Variants in HEATR5B observed in about 807,000 individuals in gnomAD.
HEATR5B encodes HEAT repeat containing 5B, also known as HEAT repeat-containing protein 5B.
Under a neutral mutation model 224.1 loss-of-function variants are expected in HEATR5B, and 156 were observed. The observed-to-expected ratio is 0.70, with a 90% CI of 0.61 to 0.80. The LOEUF is 0.80. Ranked by LOEUF, HEATR5B falls within the 30% of genes least tolerant of loss-of-function variation. The pLI, the probability that HEATR5B is intolerant of heterozygous loss-of-function variation, is 0.00. For missense variants in HEATR5B, 2,323 were observed against 2,535.5 expected (o/e 0.92, Z 1.80); for synonymous variants, 1,027 against 893.0 (o/e 1.15, Z -2.68).
At chr2:37,019,746 A>G in intron 26 of HEATR5B, 63 bp downstream of exon 26, 3 of 1,194,082 alleles carry the variant, frequency 2.5e-6, no homozygotes, top group Non-Finnish European at 3.6e-6. Flanking sequence ...TACACAAGTT[A>G]AATTCTAAGA....
At chr2:37,080,755 A>T (rs1296416726) in intron 2 of HEATR5B, among the ~76,000 whole-genome samples, 1 of 152,058 alleles carries the variant, frequency 6.6e-6, no homozygotes, top group Non-Finnish European at 1.5e-5. Flanking sequence ...AGATGATATC[A>T]CTGAAGGAAT....
chr2:37,077,449 C>T lies in HEATR5B; in HGVS notation c.339-430G>A, dbSNP rs144539977. 9.6e-3 allele frequency among the ~76,000 whole-genome samples: 1,459 copies of T among 152,286 alleles called. 24 individuals are homozygous for T. Among genetic ancestry groups the T allele is most frequent in the African/African-American group, 0.033 (1,369 of 41,542 alleles). On this transcript the variant is annotated intron_variant, in intron 3 of 35. Coordinates refer to ENST00000233099, the MANE Select transcript of HEATR5B (RefSeq NM_019024.3). ...TCAGCTTCCTGAGTAGCTGGGATTA[C>T]AGGTGCATGCCACCATTCCCAGCTC... is the stretch of plus-strand genomic sequence containing the variant.
intron 2 of HEATR5B, among the ~76,000 whole-genome samples, chr2:37,082,741 T>A (rs1033944044): frequency 6.6e-6 from 1 of 152,206 alleles, no homozygotes; most frequent in African/African-American, 2.4e-5. Flanking sequence ...TTGCTGTTAA[T>A]AGACACTTGA....
intron 24 of HEATR5B, among the ~76,000 whole-genome samples, chr2:37,021,696 T>G (rs2148441494): frequency 6.6e-6 from 1 of 152,138 alleles, no homozygotes; most frequent in Non-Finnish European, 1.5e-5. Flanking sequence ...GAGACCAGTC[T>G]GGGAAACATG....
intron 18 of HEATR5B, among the ~76,000 whole-genome samples, chr2:37,045,711 C>T (rs1018119900): frequency 1.6e-4 from 25 of 152,204 alleles, no homozygotes; most frequent in African/African-American, 5.8e-4. Context: ...CCACCCTACA[C>T]ATTCTAGCTA....
chr2:37,045,061 T>A (rs1021179789), intron 18 of HEATR5B, among the ~76,000 whole-genome samples: 1 of 152,216 alleles, frequency 6.6e-6, no homozygotes, highest in Non-Finnish European at 1.5e-5. Flanking sequence ...CATTTCTAGG[T>A]TTCCTTTGGG....
chr2:36,991,695 T>C (rs1215249416), intron 33 of HEATR5B, among the ~76,000 whole-genome samples: 1 of 152,160 alleles, frequency 6.6e-6, no homozygotes, highest in Non-Finnish European at 1.5e-5. Context: ...GTTCCAAACA[T>C]TTTGTGATTA....
chr2:37,004,036 T>C (rs1412142894), intron 30 of HEATR5B, among the ~76,000 whole-genome samples: 1 of 152,196 alleles, frequency 6.6e-6, no homozygotes, highest in Non-Finnish European at 1.5e-5. Context: ...TCCAAGAATT[T>C]CTACAACCTC....
intron 21 of HEATR5B, among the ~76,000 whole-genome samples, chr2:37,035,302 C>T (rs1669407032): frequency 6.6e-6 from 1 of 151,982 alleles, no homozygotes; most frequent in African/African-American, 2.4e-5. Context: ...ATCTTTAATC[C>T]CTATATTTAT....
rs753408122 is a variant in HEATR5B at position 37,064,813 on chromosome 2, T to A, written c.1511A>T (p.Tyr504Phe). ...LKTSPEAVSG[Y>F]SFAMAALLGG... is the part of the protein sequence containing the mutation. ...TAACAAAGCAGCCATTGCAAAACTA[T>A]ATCCACTGACAGCTTCTGGTGAGGT... Residue 504 changes from tyrosine to phenylalanine, a missense_variant, in exon 10 of 36, where the codon TAT becomes TTT. Transcript: ENST00000233099. The A allele has an allele frequency of 6.2e-7, 1 of 1,614,026 alleles. No individual in the cohort carries two copies. Among genetic ancestry groups the A allele is most frequent in the Non-Finnish European group, 8.5e-7 (1 of 1,179,984 alleles).
At chr2:37,008,364 T>C in intron 28 of HEATR5B, 1 of 541,354 alleles carries the variant, frequency 1.8e-6, no homozygotes, top group South Asian at 2.1e-5. Flanking sequence ...TAGAATACCC[T>C]AGCTCATACA....
At position 37,008,695 on chromosome 2, in the gene HEATR5B, G is replaced by C; in HGVS notation, c.4438C>G (p.Leu1480Val). 6.2e-7 allele frequency: 1 copy of C among 1,614,148 alleles called. No homozygotes were observed. Among genetic ancestry groups the C allele is most frequent in the Non-Finnish European group, 8.5e-7 (1 of 1,180,012 alleles). Residue 1480 changes from leucine to valine, a missense_variant, in exon 28 of 36, where the codon CTC (leucine) becomes GTC (valine). Leu to Val is a conservative substitution (Grantham distance 32). Coordinates refer to ENST00000233099, the MANE Select transcript of HEATR5B (RefSeq NM_019024.3). ...ITLVQPELPT[L>V]SRLWLAALKD... ...AATGCTGCTAACCACAGGCGACTGA[G>C]TGTTGGTAGTTCAGGTTGTACCAGT...
chr2:36,984,233 TATATAA>T (rs1228872758), intron 35 of HEATR5B, among the ~76,000 whole-genome samples: 1 of 107,064 alleles, frequency 9.3e-6, no homozygotes, highest in African/African-American at 3.5e-5. Flanking sequence ...TATATATATA[TATATAA>T]AACTGGAAAA....
intron 16 of HEATR5B, among the ~76,000 whole-genome samples, chr2:37,055,973 G>A (rs1410742497): frequency 2.6e-5 from 4 of 152,148 alleles, no homozygotes; most frequent in Non-Finnish European, 5.9e-5. Flanking sequence ...CCAAGTTCTA[G>A]ACTTGAACCA....
chr2:37,062,348 T>C (rs889928052), intron 10 of HEATR5B, among the ~76,000 whole-genome samples: 1 of 152,066 alleles, frequency 6.6e-6, no homozygotes, highest in African/African-American at 2.4e-5. Flanking sequence ...GAGAATTGCT[T>C]GAACTGGGGA....
At chr2:37,026,438 C>T (rs1668779191) in intron 24 of HEATR5B, among the ~76,000 whole-genome samples, 1 of 152,182 alleles carries the variant, frequency 6.6e-6, no homozygotes, top group Non-Finnish European at 1.5e-5. Flanking sequence ...TCTTCTAACC[C>T]TTTCTCTGCC....
chr2:37,019,966 C>T (rs974866003), intron 25 of HEATR5B, 89 bp from the exon 26 acceptor site: 15 of 861,024 alleles, frequency 1.7e-5, no homozygotes, highest in South Asian at 9.1e-5. Flanking sequence ...TGCAGTGGTG[C>T]GATCTCGGCT....
At chr2:37,036,483 T>C (rs1669481696) in intron 21 of HEATR5B, among the ~76,000 whole-genome samples, 1 of 151,768 alleles carries the variant, frequency 6.6e-6, no homozygotes, top group Admixed American at 6.6e-5. Context: ...CTAATTCCTA[T>C]GTACTCTGCA....
chr2:37,011,497 AAAT>A (rs1667784368), intron 27 of HEATR5B, among the ~76,000 whole-genome samples: 1 of 152,238 alleles, frequency 6.6e-6, no homozygotes, highest in Non-Finnish European at 1.5e-5. Context: ...AAAGTTGGAA[AAAT>A]AAGAGTTAAA....
Sources: gnomAD v4.1 joint callset for allele counts (sites outside exome capture counted in the v4.1 genomes callset) on GRCh38, gnomAD v4.1.1 for gene constraint, MANE v1.5 for transcripts, NCBI Gene and HGNC (gene_info 2026-07-23, HGNC 2026-07-21) for gene names.